The following PLEK variants were observed in gnomAD, a reference collection of about 807,000 sequenced individuals.
PLEK encodes platelet 47 kDa protein.
Under a neutral mutation model 43.9 loss-of-function variants are expected in PLEK, and 25 were observed. That is an observed-to-expected ratio of 0.57 (90% CI 0.41 to 0.79). The LOEUF is 0.79. PLEK is among the 30% of genes least tolerant of loss of function. PLEK has a pLI of 0.00. For missense variants in PLEK, 396 were observed against 413.3 expected (o/e 0.96, Z 0.36); for synonymous variants, 152 against 144.4 (o/e 1.05, Z -0.38).
chr2:68,375,663 A>G (rs1673488125), intron 1 of PLEK, among the ~76,000 whole-genome samples: 1 of 152,246 alleles, frequency 6.6e-6, no homozygotes, highest in South Asian at 2.1e-4. Context: ...CTTTGCATAA[A>G]TAGTCTTCCT....
intron 5 of PLEK, 94 bp from the exon 6 acceptor site, chr2:68,388,293 C>A: frequency 1.4e-6 from 1 of 734,170 alleles, no homozygotes; most frequent in South Asian, 1.5e-5. Flanking sequence ...GAGGAGGCTG[C>A]CCTCATGGCT....
At position 68,376,421 on chromosome 2, in the gene PLEK, C is replaced by A. The variant is rs1469446228; in HGVS notation, c.43-3907C>A. Among the ~76,000 whole-genome samples, 4 of 152,250 alleles carry A rather than the reference C, an allele frequency of 2.6e-5. No individual in the cohort carries two copies. The South Asian group carries it at 8.3e-4, about 32-fold the overall frequency. On this transcript the variant is annotated intron_variant, in intron 1 of 8. Transcript: ENST00000234313. ...CTTTCCCCTGAAGGCATCCTTCCTG[C>A]GCAGCCTTGTGCAAATGTGGACCAC...
chr2:68,382,380 T>C (rs1161378924), intron 3 of PLEK, among the ~76,000 whole-genome samples, 162 bp from the exon 4 acceptor site: 1 of 152,230 alleles, frequency 6.6e-6, no homozygotes, highest in African/African-American at 2.4e-5. Flanking sequence ...GCCCCTCCAC[T>C]ACTTATGATC....
At chr2:68,366,237 C>A (rs1673272048) in intron 1 of PLEK, among the ~76,000 whole-genome samples, 1 of 152,188 alleles carries the variant, frequency 6.6e-6, no homozygotes, top group Non-Finnish European at 1.5e-5. Context: ...TGCCTTCCTT[C>A]AGGTGCTTAG....
Position 68,393,244 on chromosome 2 carries a change from G to C in PLEK, c.845G>C (p.Gly282Ala). 2 of 1,589,720 alleles carry C rather than the reference G, an allele frequency of 1.3e-6. No individual in the cohort carries two copies. The highest frequency in any genetic ancestry group is 1.3e-5 in the African/African-American group (1 of 74,480). The stretch of plus-strand genomic sequence containing the variant: ...TACCTGCACTACTATGACCCTGCTG[G>C]GGTAAGGTCCTGTGGTTCATAAATC... The part of the protein sequence containing the change: ...PAYLHYYDPA[G>A]AEDPLGAIHL... The change falls in exon 7 of 9, where the codon GGG (glycine) becomes GCG (alanine). Residue 282 changes from glycine to alanine, a missense_variant and splice_region_variant. Physicochemically the swap from Gly to Ala is moderately conservative, Grantham distance 60. Coordinates refer to ENST00000234313, the MANE Select transcript of PLEK (RefSeq NM_002664.3).
At chr2:68,385,747 C>T (rs554926631) in intron 4 of PLEK, among the ~76,000 whole-genome samples, 1 of 152,342 alleles carries the variant, frequency 6.6e-6, no homozygotes, top group African/African-American at 2.4e-5. Context: ...AGTGTCACTT[C>T]CTCTATGAAT....
At chr2:68,389,963 A>G (rs1002475178) in intron 6 of PLEK, among the ~76,000 whole-genome samples, 1 of 152,186 alleles carries the variant, frequency 6.6e-6, no homozygotes, top group African/African-American at 2.4e-5. Context: ...CTATATTGTT[A>G]TCAGTTATTT....
chr2:68,388,501 C>T lies in PLEK; in HGVS notation c.762+10C>T. ...ATGTTTACTGAAGCAGGTGAGTGGC[C>T]ACAACTGCTCCCATCTAGCCTTTTC... On this transcript the variant is annotated intron_variant, in intron 6 of 8. Coordinates refer to ENST00000234313, the MANE Select transcript of PLEK (RefSeq NM_002664.3). 1 of 1,364,292 alleles carries T rather than the reference C, an allele frequency of 7.3e-7. No individual in the cohort carries two copies. The highest frequency in any genetic ancestry group is 1.1e-6 in the Non-Finnish European group (1 of 952,192). 84.5% of individuals were successfully genotyped at this position (1,364,292 alleles called of 1,614,324 possible).
At chr2:68,365,588 C>A in intron 1 of PLEK, 195 bp downstream of exon 1, 2 of 536,228 alleles carry the variant, frequency 3.7e-6, no homozygotes, top group Non-Finnish European at 3.4e-6. Context: ...CCCCGGCTTC[C>A]TTACAGTTTG....
At position 68,380,876 on chromosome 2, in the gene PLEK, A is replaced by G. The variant is rs764522686; in HGVS notation, c.352A>G (p.Ile118Val). The G allele has an allele frequency of 1.5e-5, 25 of 1,613,844 alleles. No homozygotes were observed. The East Asian group carries it at 4.9e-4, about 32-fold the overall frequency. The stretch of plus-strand genomic sequence containing the variant: ...TGCCAGGAAATCTACCAGGAGGTCC[A>G]TTCGACTGCCAGAAACCATTGACTT... Reference protein sequence around the residue: ...KFARKSTRRSIRLPETIDLGA... With the variant: ...KFARKSTRRSVRLPETIDLGA... The change falls in exon 3 of 9, where the codon ATT (isoleucine) becomes GTT (valine). Residue 118 changes from isoleucine (I) to valine (V), a missense_variant. Physicochemically the swap from Ile to Val is conservative, Grantham distance 29. Coordinates refer to ENST00000234313, the MANE Select transcript of PLEK (RefSeq NM_002664.3).
chr2:68,367,734 A>G (rs768582435), intron 1 of PLEK, among the ~76,000 whole-genome samples: 1 of 152,242 alleles, frequency 6.6e-6, no homozygotes, highest in Admixed American at 6.5e-5. Context: ...TAATGGGGCT[A>G]TGTACTGGTT....
intron 1 of PLEK, among the ~76,000 whole-genome samples, chr2:68,367,800 G>T (rs1673313352): frequency 6.6e-6 from 1 of 152,150 alleles, no homozygotes. Flanking sequence ...TCTTTGAAAA[G>T]GCTCTTAGAA....
At position 68,397,417 on chromosome 2, in the gene PLEK, A is replaced by G. The variant is rs898856379; in HGVS notation, c.*1601A>G. On this transcript the variant is annotated 3_prime_UTR_variant, in exon 9 of 9. Coordinates refer to ENST00000234313, the MANE Select transcript of PLEK (RefSeq NM_002664.3). ...GTATTTATTAATGGGAAGTCAACTT[A>G]ATGTTTTGAAATAAATATATGACTC... 2 of 152,202 alleles carry G rather than the reference A, an allele frequency of 1.3e-5. No homozygotes were observed. Among genetic ancestry groups the G allele is most frequent in the Admixed American group, 6.5e-5 (1 of 15,280 alleles). 9.4% of individuals were successfully genotyped at this position (152,202 alleles called of 1,614,324 possible).
chr2:68,367,650 G>C (rs1484503176), intron 1 of PLEK, among the ~76,000 whole-genome samples: 1 of 152,180 alleles, frequency 6.6e-6, no homozygotes, highest in Non-Finnish European at 1.5e-5. Flanking sequence ...GTGTACATAA[G>C]CTGCATAAGA....
intron 1 of PLEK, among the ~76,000 whole-genome samples, chr2:68,377,148 ACTTT>A (rs908929603): frequency 1.3e-5 from 2 of 152,164 alleles, no homozygotes; most frequent in Non-Finnish European, 2.9e-5. Flanking sequence ...TATGTACTAC[ACTTT>A]CTTTATCCAC....
chr2:68,394,550 A>T (rs1673928119), intron 8 of PLEK, among the ~76,000 whole-genome samples: 1 of 151,252 alleles, frequency 6.6e-6, no homozygotes, highest in Non-Finnish European at 1.5e-5. Flanking sequence ...AAAAAGCAGG[A>T]ATGAATTTAC....
chr2:68,388,153 T>C, intron 5 of PLEK: 1 of 430,126 alleles, frequency 2.3e-6, no homozygotes, highest in East Asian at 3.4e-5. Context: ...AAAAGGATAT[T>C]GACAAGATCA....
intron 1 of PLEK, among the ~76,000 whole-genome samples, chr2:68,371,738 A>T (rs1673410702): frequency 6.6e-6 from 1 of 152,074 alleles, no homozygotes; most frequent in Non-Finnish European, 1.5e-5. Flanking sequence ...TAAAGACAGA[A>T]TTATCATTTT....
At position 68,379,764 on chromosome 2, in the gene PLEK, C is replaced by T. The variant is rs370624232; in HGVS notation, c.43-564C>T. Among the ~76,000 whole-genome samples, 21 of 152,194 alleles carry T rather than the reference C, an allele frequency of 1.4e-4. No homozygotes were observed. The East Asian group carries it at 2.1e-3, about 15-fold the overall frequency. On this transcript the variant is annotated intron_variant, in intron 1 of 8. Transcript: ENST00000234313. ...TTCAATGAAGTGTGATAGCTGCTAG[C>T]ATTTGGCAGTTTGGGAAATGATCTT...
Sources: gnomAD v4.1 joint callset for allele counts (sites outside exome capture counted in the v4.1 genomes callset) on GRCh38, gnomAD v4.1.1 for gene constraint, MANE v1.5 for transcripts, NCBI Gene and HGNC (gene_info 2026-07-23, HGNC 2026-07-21) for gene names.